Variants in CNTNAP2 observed in about 807,000 individuals in gnomAD.
CNTNAP2 encodes the protein contactin associated protein 2.
Under a neutral mutation model 155.2 loss-of-function variants are expected in CNTNAP2, and 98 were observed. That is an observed-to-expected ratio of 0.63 (90% CI 0.54 to 0.75). The LOEUF (loss-of-function observed/expected upper bound fraction) is 0.75. Ranked by LOEUF, CNTNAP2 falls within the 30% of genes least tolerant of loss-of-function variation. The pLI is 0.00. For synonymous variants in CNTNAP2, 651 were observed against 631.2 expected (o/e 1.03, Z -0.47); for missense variants, 1,727 against 1,688.1 (o/e 1.02, Z -0.40).
chr7:147,311,049 T>C (rs1164972709), intron 9 of CNTNAP2, among the ~76,000 whole-genome samples: 1 of 152,250 alleles, frequency 6.6e-6, no homozygotes, highest in East Asian at 1.9e-4. Flanking sequence ...CGTGGTCAGG[T>C]ATCAAGGATG....
At chr7:148,007,038 A>T (rs1801995520) in intron 15 of CNTNAP2, among the ~76,000 whole-genome samples, 1 of 152,206 alleles carries the variant, frequency 6.6e-6, no homozygotes, top group South Asian at 2.1e-4. Context: ...AGCAGTTCTT[A>T]ACTGACTTGG....
chr7:146,501,358 GA>G (rs1466193970), intron 1 of CNTNAP2, among the ~76,000 whole-genome samples: 1 of 151,940 alleles, frequency 6.6e-6, no homozygotes, highest in Non-Finnish European at 1.5e-5. Flanking sequence ...TTCTGTTGTG[GA>G]AATTTTTTTT....
At chr7:146,639,258 G>T (rs1799664409) in intron 1 of CNTNAP2, among the ~76,000 whole-genome samples, 1 of 152,116 alleles carries the variant, frequency 6.6e-6, no homozygotes, top group Non-Finnish European at 1.5e-5. Flanking sequence ...ACTTGTAAAA[G>T]TTCTGTTCAC....
intron 10 of CNTNAP2, among the ~76,000 whole-genome samples, chr7:147,462,498 T>G (rs920099213): frequency 6.6e-6 from 1 of 152,206 alleles, no homozygotes. Flanking sequence ...GTCAATTTCA[T>G]GTTTTGATTT....
chr7:148,039,748 T>C (rs1304202721), intron 15 of CNTNAP2, among the ~76,000 whole-genome samples: 2 of 152,190 alleles, frequency 1.3e-5, no homozygotes, highest in African/African-American at 4.8e-5. Flanking sequence ...TTTTCATGCA[T>C]GCATTGGCTC....
At chr7:147,068,110 G>T (rs1799818286) in intron 4 of CNTNAP2, among the ~76,000 whole-genome samples, 1 of 152,124 alleles carries the variant, frequency 6.6e-6, no homozygotes, top group African/African-American at 2.4e-5. Flanking sequence ...GACAGCCTTT[G>T]TTGCTACAAA....
chr7:147,418,800 A>G (rs181331479), intron 10 of CNTNAP2, among the ~76,000 whole-genome samples: 74 of 152,312 alleles, frequency 4.9e-4, no homozygotes, highest in Non-Finnish European at 3.4e-4. Context: ...AAATTTAACA[A>G]CGGTCTACTT....
intron 23 of CNTNAP2, among the ~76,000 whole-genome samples, chr7:148,413,421 T>G (rs867968657): frequency 1.5e-5 from 1 of 67,806 alleles, no homozygotes; most frequent in Non-Finnish European, 2.8e-5. Flanking sequence ...TATATATATA[T>G]ATATATATAT....
At chr7:147,510,167 G>A (rs576915161) in intron 11 of CNTNAP2, among the ~76,000 whole-genome samples, 2 of 152,204 alleles carry the variant, frequency 1.3e-5, no homozygotes, top group East Asian at 3.9e-4. Flanking sequence ...CTTTCTATCT[G>A]ATCAGAAGAT....
intron 8 of CNTNAP2, among the ~76,000 whole-genome samples, chr7:147,272,716 C>T (rs1804783669): frequency 6.7e-6 from 1 of 149,412 alleles, no homozygotes; most frequent in South Asian, 2.1e-4. Flanking sequence ...ACCGTGTTAG[C>T]CAGGATGCTC....
At chr7:148,093,192 A>T (rs1337747586) in intron 15 of CNTNAP2, among the ~76,000 whole-genome samples, 1 of 152,066 alleles carries the variant, frequency 6.6e-6, no homozygotes, top group Admixed American at 6.5e-5. Context: ...TCTGCTAAAA[A>T]AAAAAAAAAT....
chr7:147,277,827 T>C (rs1182968823), intron 8 of CNTNAP2, among the ~76,000 whole-genome samples: 2 of 151,768 alleles, frequency 1.3e-5, no homozygotes, highest in African/African-American at 4.8e-5. Flanking sequence ...CAATAATTTT[T>C]CCTTTTCTTT....
At chr7:147,031,824 G>A (rs1167121071) in intron 3 of CNTNAP2, among the ~76,000 whole-genome samples, 1 of 152,140 alleles carries the variant, frequency 6.6e-6, no homozygotes. Context: ...AGGCTGAGGT[G>A]GAAGAATCAC....
intron 2 of CNTNAP2, among the ~76,000 whole-genome samples, chr7:146,778,820 G>GT (rs1802434642): frequency 6.6e-6 from 1 of 152,182 alleles, no homozygotes; most frequent in East Asian, 1.9e-4. Context: ...TATGCCTTTT[G>GT]TAGAAATCAG....
chr7:147,469,157 G>T (rs1054271385), intron 10 of CNTNAP2, among the ~76,000 whole-genome samples: 3 of 152,026 alleles, frequency 2.0e-5, no homozygotes, highest in African/African-American at 7.3e-5. Flanking sequence ...ATACACAAAA[G>T]AGCTATAAAA....
chr7:147,073,679 G>T lies in CNTNAP2; in HGVS notation c.550+29625G>T, dbSNP rs575944194. On this transcript the variant is annotated intron_variant, in intron 4 of 23. Transcript: ENST00000361727. ...TGGCAGGTAGGTCAGGGGAAATCTAGAAGGGAGATGTGACAAGAAAGCATG... is the reference window on the plus strand; with the variant it reads ...TGGCAGGTAGGTCAGGGGAAATCTATAAGGGAGATGTGACAAGAAAGCATG... Among the ~76,000 whole-genome samples, 137 of 152,298 alleles carry T rather than the reference G, an allele frequency of 9.0e-4. 2 individuals carry two copies. The highest frequency in any genetic ancestry group is 3.4e-3 in the Middle Eastern group (1 of 294).
chr7:146,240,976 T>A (rs1453660060), intron 1 of CNTNAP2, among the ~76,000 whole-genome samples: 1 of 152,148 alleles, frequency 6.6e-6, no homozygotes, highest in East Asian at 1.9e-4. Flanking sequence ...AAGCAGGAGC[T>A]TGAACATCAC....
At chr7:147,161,053 T>G (rs945456194) in intron 8 of CNTNAP2, among the ~76,000 whole-genome samples, 1 of 152,020 alleles carries the variant, frequency 6.6e-6, no homozygotes, top group African/African-American at 2.4e-5. Flanking sequence ...AACAGGTAAG[T>G]GTGAAAGAAC....
chr7:147,119,585 T>C (rs1479378285), intron 5 of CNTNAP2, among the ~76,000 whole-genome samples: 1 of 152,164 alleles, frequency 6.6e-6, no homozygotes, highest in East Asian at 1.9e-4. Context: ...CCTTGTCTCA[T>C]TTTACGCATA....
Sources: allele counts gnomAD v4.1 joint callset (sites outside exome capture counted in the v4.1 genomes callset), GRCh38; gene constraint gnomAD v4.1.1; transcripts MANE v1.5; gene names NCBI Gene and HGNC (gene_info 2026-07-23, HGNC 2026-07-21).